Variants in ZNF398 observed in about 807,000 individuals in gnomAD.
ZNF398 encodes zinc finger DNA binding protein ZER6.
Under a neutral mutation model 41.9 loss-of-function variants are expected in ZNF398, and 18 were observed. The observed-to-expected ratio is 0.43, with a 90% CI of 0.30 to 0.64. The LOEUF is 0.64. ZNF398 is among the 30% of genes least tolerant of loss of function. The pLI is 0.14. For synonymous variants in ZNF398, 260 were observed against 308.8 expected, an observed-to-expected ratio of 0.84 and a Z score of 1.66; for missense variants, 669 against 822.8, an observed-to-expected ratio of 0.81 and a Z score of 2.29.
chr7:149,160,020 C>T (rs1354934903), intron 2 of ZNF398, among the ~76,000 whole-genome samples: 1 of 152,002 alleles, frequency 6.6e-6, no homozygotes, highest in East Asian at 1.9e-4. Context: ...GTCACCGGGC[C>T]CAGCCAGTGT....
intron 1 of ZNF398, among the ~76,000 whole-genome samples, chr7:149,153,225 C>A (rs1794896822): frequency 6.6e-6 from 1 of 152,052 alleles, no homozygotes; most frequent in Admixed American, 6.6e-5. Context: ...CACCTGTAGC[C>A]CCAGCTACTT....
At chr7:149,141,555 T>C (rs1295394283) in intron 2 of ZNF398, among the ~76,000 whole-genome samples, 1 of 148,654 alleles carries the variant, frequency 6.7e-6, no homozygotes, top group Non-Finnish European at 1.5e-5. Flanking sequence ...CCCGAGTTAA[T>C]GCCATTCTCC....
Position 149,179,956 on chromosome 7 carries a change from G to T in ZNF398, c.*155G>T. The stretch of plus-strand genomic sequence containing the variant: ...TACACTTGACTAGAGACATGCTTGT[G>T]TTTTGGAATTTCACACCCTTACAAG... On this transcript the variant is annotated 3_prime_UTR_variant, in exon 6 of 6. Transcript: ENST00000475153. This position sits in a 1 kb window ranked among gnomAD's most constrained non-coding sequence, Gnocchi z 6.1. 1.5e-6 allele frequency: 1 copy of T among 683,440 alleles called. No homozygotes were observed. 42.3% of individuals were successfully genotyped at this position (683,440 alleles called of 1,614,324 possible).
upstream of ZNF398, among the ~76,000 whole-genome samples, chr7:149,146,232 C>A (rs1826934816): frequency 6.7e-6 from 1 of 150,354 alleles, no homozygotes; most frequent in African/African-American, 2.4e-5. Flanking sequence ...AGCCACTGCG[C>A]TCGGCCTGTT....
At chr7:149,126,432 G>A (rs1826478227) in exon 1 of ZNF398, 2 of 815,526 alleles carry the variant, frequency 2.5e-6, no homozygotes, top group African/African-American at 1.8e-5. Context: ...CTCAGAGGAG[G>A]GGCCCGGGCA....
At chr7:149,129,325 A>C (rs1266345426) in intron 2 of ZNF398, among the ~76,000 whole-genome samples, 3 of 152,116 alleles carry the variant, frequency 2.0e-5, no homozygotes, top group Non-Finnish European at 4.4e-5. Flanking sequence ...AAAAAAGGTC[A>C]CAATTTAGTT....
intron 4 of ZNF398, 120 bp downstream of exon 4, chr7:149,167,050 G>A (rs965213418): frequency 1.5e-6 from 1 of 646,916 alleles, no homozygotes; most frequent in Middle Eastern, 4.5e-4. Flanking sequence ...ACTAGATTTT[G>A]AATGTGTCAT....
At chr7:149,130,938 G>A (rs1413466460) in intron 2 of ZNF398, among the ~76,000 whole-genome samples, 2 of 152,172 alleles carry the variant, frequency 1.3e-5, no homozygotes, top group East Asian at 3.8e-4. Context: ...AGAGGGTTTG[G>A]TCAACAGGAA....
chr7:149,149,607 G>A (rs1277200396), intron 1 of ZNF398, among the ~76,000 whole-genome samples: 1 of 152,252 alleles, frequency 6.6e-6, no homozygotes, highest in Non-Finnish European at 1.5e-5. Flanking sequence ...GGAGGCTGCC[G>A]TGGGAAGACA....
At chr7:149,164,021 AGGATTGC>A (rs1795171500) in intron 2 of ZNF398, among the ~76,000 whole-genome samples, 2 of 152,002 alleles carry the variant, frequency 1.3e-5, no homozygotes, top group African/African-American at 4.8e-5. Flanking sequence ...CTGAGGCAGG[AGGATTGC>A]TTGAACCCAG....
Position 149,147,647 on chromosome 7 carries a change from A to T in ZNF398, c.-96A>T. Reference sequence around the variant, plus strand: ...AGGGCCGGGTCGGCGCCGCCTGTGGAGAGGACCCGGCGGCCGGGCCTGCTT... The same window carrying T: ...AGGGCCGGGTCGGCGCCGCCTGTGGTGAGGACCCGGCGGCCGGGCCTGCTT... On this transcript the variant is annotated 5_prime_UTR_variant, in exon 1 of 6. Transcript: ENST00000475153. This position sits in a 1 kb window ranked among gnomAD's most constrained non-coding sequence, Gnocchi z 5.6. 8.3e-7 allele frequency: 1 copy of T among 1,203,782 alleles called. No individual in the cohort carries two copies. The highest frequency in any genetic ancestry group is 1.0e-6 in the Non-Finnish European group (1 of 965,540). 74.6% of individuals were successfully genotyped at this position (1,203,782 alleles called of 1,614,324 possible).
intron 2 of ZNF398, among the ~76,000 whole-genome samples, chr7:149,160,308 G>C (rs1479360782): frequency 6.6e-6 from 1 of 152,130 alleles, no homozygotes; most frequent in Non-Finnish European, 1.5e-5. Flanking sequence ...GTGGGGGCCT[G>C]TAGTCCCAGC....
At chr7:149,163,044 T>C (rs1386690697) in intron 2 of ZNF398, among the ~76,000 whole-genome samples, 7 of 152,124 alleles carry the variant, frequency 4.6e-5, no homozygotes, top group African/African-American at 1.7e-4. Flanking sequence ...AGAATTCTGG[T>C]GCTCAGTTAG....
At chr7:149,162,188 A>AT (rs71529687) in intron 2 of ZNF398, among the ~76,000 whole-genome samples, 27 of 145,298 alleles carry the variant, frequency 1.9e-4, no homozygotes, top group Middle Eastern at 3.5e-3. Flanking sequence ...CAGCTGGTTA[A>AT]TTTTTTTTTT....
upstream of ZNF398, among the ~76,000 whole-genome samples, chr7:149,146,687 T>TAA (rs918364019): frequency 1.3e-4 from 19 of 143,864 alleles, no homozygotes; most frequent in African/African-American, 4.1e-4. Flanking sequence ...CGTCTCCACT[T>TAA]AAAAAAAAAA....
At chr7:149,149,150 TA>T (rs1827046357) in intron 1 of ZNF398, among the ~76,000 whole-genome samples, 1 of 152,052 alleles carries the variant, frequency 6.6e-6, no homozygotes, top group African/African-American at 2.4e-5. Flanking sequence ...TTTGAGAAGT[TA>T]AAAAATAAAT....
chr7:149,132,512 CTT>C (rs1217756950), intron 2 of ZNF398, among the ~76,000 whole-genome samples: 1 of 152,072 alleles, frequency 6.6e-6, no homozygotes, highest in East Asian at 1.9e-4. Context: ...AGCTTTCTCT[CTT>C]TCGAGAGAGA....
At chr7:149,160,996 G>A (rs939196319) in intron 2 of ZNF398, among the ~76,000 whole-genome samples, 1 of 152,098 alleles carries the variant, frequency 6.6e-6, no homozygotes, top group Non-Finnish European at 1.5e-5. Context: ...CTGTCAGGAG[G>A]AGGTGGGCTT....
intron 1 of ZNF398, chr7:149,148,454 A>G: frequency 1.0e-6 from 1 of 985,544 alleles, no homozygotes. Flanking sequence ...CCGCGGGGAA[A>G]GCACTGATCG....
Sources: gnomAD v4.1 joint callset for allele counts (sites outside exome capture counted in the v4.1 genomes callset) on GRCh38, gnomAD v4.1.1 for gene constraint, Gnocchi (gnomAD v3.1) non-coding constraint, MANE v1.5 for transcripts, NCBI Gene and HGNC (gene_info 2026-07-23, HGNC 2026-07-21) for gene names.